UPF2: variants seen among roughly 807,000 people sequenced by gnomAD.
The protein encoded by UPF2 is UPF2 regulator of nonsense mediated mRNA decay.
Under a neutral mutation model 141.4 loss-of-function variants are expected in UPF2, and 17 were observed. The ratio of observed to expected loss-of-function variants is 0.12; its 90% CI spans 0.08 to 0.18. The LOEUF is 0.18. Among genes scored for constraint, UPF2 ranks in the 10% least tolerant of loss-of-function variants. UPF2 has a pLI of 1.00. For missense variants in UPF2, 1,152 were observed against 1,515.9 expected (o/e 0.76, Z 3.99); for synonymous variants, 540 against 498.0 (o/e 1.08, Z -1.12).
chr10:11,922,386 T>A (rs1832656504), intron 21 of UPF2, among the ~76,000 whole-genome samples: 2 of 152,140 alleles, frequency 1.3e-5, no homozygotes, highest in African/African-American at 4.8e-5. Context: ...AAGTATATCC[T>A]CAGCTGGATA....
rs185184952 is a variant in UPF2, at chr10:11,968,991, G to A, written c.1954-1537C>T. On this transcript the variant is annotated intron_variant, in intron 9 of 21. Transcript: ENST00000357604. ...TTTTTGTGCCTCAGCCTCCCGAGTA[G>A]CTGCGATTACAGGTGTGTGCCATCA... 1.1e-3 allele frequency among the ~76,000 whole-genome samples: 165 copies of A among 151,448 alleles called. 2 individuals carry two copies. Among genetic ancestry groups the A allele is most frequent in the Non-Finnish European group, 2.0e-3 (138 of 67,838 alleles).
chr10:11,965,802 A>C (rs770972373), intron 10 of UPF2, among the ~76,000 whole-genome samples: 1 of 152,212 alleles, frequency 6.6e-6, no homozygotes, highest in Non-Finnish European at 1.5e-5. Context: ...GCATTAAAAA[A>C]AAAACTGTTT....
chr10:11,980,556 A>G lies in UPF2; in HGVS notation c.1845-1391T>C, dbSNP rs1470466875. On this transcript the variant is annotated intron_variant, in intron 8 of 21. Coordinates refer to ENST00000357604, the MANE Select transcript of UPF2 (RefSeq NM_015542.4). The surrounding 1 kb of genome is among the most constrained non-coding windows in gnomAD (Gnocchi z 4.2). ...GAGACCAGCCTGGCCAATATGGTGA[A>G]ACCCCATCTCTACCAAAAATATAAA... Among the ~76,000 whole-genome samples the G allele has an allele frequency of 1.3e-5, 2 of 152,050 alleles. No individual in the cohort carries two copies. Among genetic ancestry groups the G allele is most frequent in the Non-Finnish European group, 2.9e-5 (2 of 68,018 alleles).
chr10:12,032,493 A>G, intron 2 of UPF2, among the ~76,000 whole-genome samples: 1 of 151,866 alleles, frequency 6.6e-6, no homozygotes, highest in Non-Finnish European at 1.5e-5. Context: ...ATACTATTCT[A>G]TTTTTGCATA....
Position 11,931,883 on chromosome 10 carries a change from GC to G in UPF2, c.3547-102del. The G allele has an allele frequency of 7.6e-7, 1 of 1,320,964 alleles. No individual in the cohort carries two copies. 81.8% of individuals were successfully genotyped at this position (1,320,964 alleles called of 1,614,324 possible). A position where few individuals can be genotyped will look rare whatever the true frequency, so the allele number is the denominator to read the frequency against. On this transcript the variant is annotated intron_variant, in intron 19 of 21. Coordinates refer to ENST00000357604, the MANE Select transcript of UPF2 (RefSeq NM_015542.4). This position sits in a 1 kb window ranked among gnomAD's most constrained non-coding sequence, Gnocchi z 5.9. ...TAGCAAGTACAGGCTGGGCACGGTG[GC>G]TCACGCCTGTAATCCCAGCACTTTG...
intron 9 of UPF2, among the ~76,000 whole-genome samples, chr10:11,968,176 T>C (rs1288687917): frequency 6.6e-6 from 1 of 151,868 alleles, no homozygotes; most frequent in East Asian, 1.9e-4. Context: ...CAAGACTCCA[T>C]CTCAAAAGAA....
At chr10:12,002,422 T>C (rs561778652) in intron 5 of UPF2, among the ~76,000 whole-genome samples, 1 of 152,216 alleles carries the variant, frequency 6.6e-6, no homozygotes, top group Non-Finnish European at 1.5e-5. Flanking sequence ...CTATCTATGC[T>C]AAAGATGAGG....
chr10:11,925,972 C>T (rs1426036750), intron 21 of UPF2, among the ~76,000 whole-genome samples: 1 of 152,150 alleles, frequency 6.6e-6, no homozygotes, highest in Admixed American at 6.5e-5. Flanking sequence ...TTAGAAAGAA[C>T]ACTGGGTCTA....
intron 12 of UPF2, among the ~76,000 whole-genome samples, chr10:11,958,036 G>C (rs1384177629): frequency 6.6e-6 from 1 of 152,052 alleles, no homozygotes; most frequent in Non-Finnish European, 1.5e-5. Flanking sequence ...AAGTACATAG[G>C]AAAGTGTCTG....
At chr10:12,004,107 C>G in intron 5 of UPF2, among the ~76,000 whole-genome samples, 1 of 152,138 alleles carries the variant, frequency 6.6e-6, no homozygotes, top group East Asian at 1.9e-4. Flanking sequence ...ACTCTATTAA[C>G]GACCTAAAAG....
intron 12 of UPF2, among the ~76,000 whole-genome samples, chr10:11,957,453 A>G (rs1468203002): frequency 2.6e-5 from 4 of 151,760 alleles, no homozygotes; most frequent in Non-Finnish European, 4.4e-5. Context: ...ACAAAAACCC[A>G]AGGTTTATGA....
Position 11,929,951 on chromosome 10 carries a change from T to C in UPF2, c.3723A>G (p.Pro1241=). 1 of 1,614,226 alleles carries C rather than the reference T, an allele frequency of 6.2e-7. No individual in the cohort carries two copies. Among genetic ancestry groups the C allele is most frequent in the Non-Finnish European group, 8.5e-7 (1 of 1,180,046 alleles). ...MLQSLAQRPA[P]ANTNRERRPR... ...GCCGCCTCTCACGATTGGTGTTTGC[T>C]GGAGCTGGGCGCTGTGCAAGAGACT... The change falls in exon 21 of 22, where the codon CCA becomes CCG. Residue 1241 remains proline, a synonymous_variant. Transcript: ENST00000357604.
At chr10:11,981,751 T>A (rs756459363) in intron 8 of UPF2, among the ~76,000 whole-genome samples, 1 of 152,130 alleles carries the variant, frequency 6.6e-6, no homozygotes, top group Non-Finnish European at 1.5e-5. Flanking sequence ...AGTGGTACAA[T>A]CTCGGCTCAC....
intron 3 of UPF2, among the ~76,000 whole-genome samples, chr10:12,028,298 C>G (rs959405641): frequency 1.3e-5 from 2 of 152,048 alleles, no homozygotes; most frequent in Non-Finnish European, 2.9e-5. Context: ...TCTGAAATAC[C>G]ACTGGTAATT....
chr10:11,962,594 T>C (rs1833257399), intron 11 of UPF2, among the ~76,000 whole-genome samples: 2 of 152,240 alleles, frequency 1.3e-5, no homozygotes, highest in South Asian at 4.1e-4. Context: ...AACAGCCTTC[T>C]GACTGTTCTC....
Position 11,959,143 on chromosome 10 carries a change from A to G in UPF2, c.2370+28T>C. On this transcript the variant is annotated intron_variant, in intron 12 of 21. Coordinates refer to ENST00000357604, the MANE Select transcript of UPF2 (RefSeq NM_015542.4). This position sits in a 1 kb window ranked among gnomAD's most constrained non-coding sequence, Gnocchi z 5.9. The stretch of plus-strand genomic sequence containing the variant: ...CACTACCACAAATCTCACGTTAACT[A>G]TTAACTGCATGATTTCATAAGATTT... 6.4e-7 allele frequency: 1 copy of G among 1,552,214 alleles called. No homozygotes were observed. The highest frequency in any genetic ancestry group is 8.7e-7 in the Non-Finnish European group (1 of 1,155,552).
chr10:12,036,794 G>A (rs1205783287), intron 1 of UPF2, among the ~76,000 whole-genome samples: 2 of 152,162 alleles, frequency 1.3e-5, no homozygotes, highest in South Asian at 4.1e-4. Context: ...GGAAGGCCAA[G>A]GCAGGCAGAT....
intron 5 of UPF2, among the ~76,000 whole-genome samples, chr10:12,002,987 C>CATACTTG (rs1833977267): frequency 1.3e-5 from 2 of 152,166 alleles, no homozygotes; most frequent in South Asian, 2.1e-4. Flanking sequence ...ACAGAAATGT[C>CATACTTG]TTACTGATAC....
Position 11,939,321 on chromosome 10 carries a change from G to A in UPF2, c.3379-2609C>T, listed in dbSNP as rs1281731538. ...AATTATTGGAGTGTTTGATAGATTT[G>A]CAATTAATTCTGCTGTGGAAATAAA... On this transcript the variant is annotated intron_variant, in intron 18 of 21. Coordinates refer to ENST00000357604, the MANE Select transcript of UPF2 (RefSeq NM_015542.4). The surrounding 1 kb of genome is among the most constrained non-coding windows in gnomAD (Gnocchi z 4.8). 5.9e-5 allele frequency among the ~76,000 whole-genome samples: 9 copies of A among 152,068 alleles called. No homozygotes were observed. The highest frequency in any genetic ancestry group is 8.8e-5 in the Non-Finnish European group (6 of 68,004).
Sources: gnomAD v4.1 joint callset for allele counts (sites outside exome capture counted in the v4.1 genomes callset) on GRCh38, gnomAD v4.1.1 for gene constraint, Gnocchi (gnomAD v3.1) non-coding constraint, MANE v1.5 for transcripts, NCBI Gene and HGNC (gene_info 2026-07-23, HGNC 2026-07-21) for gene names.